Variants in ZMYND15 observed in about 807,000 individuals in gnomAD.
ZMYND15 encodes zinc finger MYND domain-containing protein 15.
Under a neutral mutation model 81.7 loss-of-function variants are expected in ZMYND15, and 54 were observed. The observed-to-expected ratio is 0.66, with a 90% CI of 0.53 to 0.83. The LOEUF (loss-of-function observed/expected upper bound fraction) is 0.83. Among genes scored for constraint, ZMYND15 ranks in the 40% least tolerant of loss-of-function variants. The pLI, the probability that ZMYND15 is intolerant of heterozygous loss-of-function variation, is 0.00. For synonymous variants in ZMYND15, 399 were observed against 387.0 expected (o/e 1.03, Z -0.36); for missense variants, 925 against 973.5 (o/e 0.95, Z 0.66).
intron 1 of ZMYND15, 101 bp from the exon 2 acceptor site, chr17:4,740,418 T>TA: frequency 7.1e-7 from 1 of 1,401,904 alleles, no homozygotes; most frequent in Non-Finnish European, 9.3e-7. Flanking sequence ...GATCCAACCC[T>TA]AAGTGACTCT....
chr17:4,745,376 G>A lies in ZMYND15; in HGVS notation c.2057+1G>A, dbSNP rs774024775. On this transcript the variant is annotated splice_donor_variant, in intron 13 of 13. Transcript: ENST00000433935. LOFTEE classifies it high-confidence loss of function. This position sits in a 1 kb window ranked among gnomAD's most constrained non-coding sequence, Gnocchi z 5.2. ...GAGCGGCCGACAACTGCATGTCCTG[G>A]TAAGGGTCTGCGACCCTATTTCCTT... 1 of 1,595,924 alleles carries A rather than the reference G, an allele frequency of 6.3e-7. No individual in the cohort carries two copies. The highest frequency in any genetic ancestry group is 8.5e-7 in the Non-Finnish European group (1 of 1,172,302).
Position 4,744,040 on chromosome 17 carries a change from C to G in ZMYND15, c.1428C>G (p.Pro476=). Residue 476 remains proline (P), a synonymous_variant, in exon 8 of 14, where the codon CCC becomes CCG. Coordinates refer to ENST00000433935, the MANE Select transcript of ZMYND15 (RefSeq NM_001136046.3). This position sits in a 1 kb window ranked among gnomAD's most constrained non-coding sequence, Gnocchi z 4.1. ...YTWRGLSLDS[P]IAVLLTYPLT... ...GGCGGGGCCTCAGCTTGGACTCCCC[C>G]ATAGCCGTGCTTCTCACCTACCCGC... 1 of 1,553,990 alleles carries G rather than the reference C, an allele frequency of 6.4e-7. No homozygotes were observed. Among genetic ancestry groups the G allele is most frequent in the Non-Finnish European group, 8.7e-7 (1 of 1,147,918 alleles).
rs753269855 is a variant in ZMYND15 at position 4,741,696 on chromosome 17, G to A, written c.707G>A (p.Gly236Glu). Residue 236 changes from glycine (G) to glutamate (E), a missense_variant, in exon 3 of 14, where the codon GGG (glycine) becomes GAG (glutamate). Transcript: ENST00000433935. ...GAQGTASWGS[G>E]TKDLAPWAYA... Reference sequence around the variant, plus strand: ...CAGGGAACCGCAAGCTGGGGCTCAGGGACCAAGGACCTGGCTCCTTGGGCC... The same window carrying A: ...CAGGGAACCGCAAGCTGGGGCTCAGAGACCAAGGACCTGGCTCCTTGGGCC... 34 of 1,613,940 alleles carry A rather than the reference G, an allele frequency of 2.1e-5. No homozygotes were observed. The highest frequency in any genetic ancestry group is 2.7e-5 in the Non-Finnish European group (32 of 1,179,984).
rs1916300944 is a variant in ZMYND15 at position 4,739,869 on chromosome 17, A to G, written c.-212A>G. ...ATGAGCCTCCCGGGCGGCCCGGTGGAGAGAGTCGCCGCCAGCCCCGGCCGC... is the reference window on the plus strand; with the variant it reads ...ATGAGCCTCCCGGGCGGCCCGGTGGGGAGAGTCGCCGCCAGCCCCGGCCGC... On this transcript the variant is annotated 5_prime_UTR_variant, in exon 1 of 14. Coordinates refer to ENST00000433935, the MANE Select transcript of ZMYND15 (RefSeq NM_001136046.3). This position sits in a 1 kb window ranked among gnomAD's most constrained non-coding sequence, Gnocchi z 5.3. 2.0e-6 allele frequency: 2 copies of G among 985,898 alleles called. No homozygotes were observed. Among genetic ancestry groups the G allele is most frequent in the South Asian group, 9.3e-5 (2 of 21,416 alleles). The allele number at this position is 985,898 out of a possible 1,614,324, so 61.1% of individuals were successfully genotyped here.
rs1567700601 is a variant in ZMYND15, at chr17:4,745,896, C to T, written c.2135C>T (p.Pro712Leu). 6.5e-7 allele frequency: 1 copy of T among 1,549,540 alleles called. No homozygotes were observed. The highest frequency in any genetic ancestry group is 2.0e-5 in the Admixed American group (1 of 49,256). Residue 712 changes from proline to leucine, a missense_variant, in exon 14 of 14, where the codon CCA (proline) becomes CTA (leucine). Transcript: ENST00000433935. The surrounding 1 kb of genome is among the most constrained non-coding windows in gnomAD (Gnocchi z 5.2). ...GGGGCCCGCCCGGCGCCCGGGCCCC[C>T]ACCCCCATCCCCAACTCCCTCTGCT... ...GSGARPAPGPPPPSPTPSAPP... is the reference protein window; with the variant it reads ...GSGARPAPGPLPPSPTPSAPP...
chr17:4,744,476 T>C lies in ZMYND15; in HGVS notation c.1683+9T>C, dbSNP rs1916575868. On this transcript the variant is annotated intron_variant, in intron 10 of 13. Coordinates refer to ENST00000433935, the MANE Select transcript of ZMYND15 (RefSeq NM_001136046.3). The surrounding 1 kb of genome is among the most constrained non-coding windows in gnomAD (Gnocchi z 4.1). ...ATTTTACCCTGCAGAGGGTGAGGGC[T>C]GAGGGGGCCCTGCTTTTCAGCCCTG... 1.2e-6 allele frequency: 2 copies of C among 1,613,584 alleles called. 1 individual carries two copies. Among genetic ancestry groups the C allele is most frequent in the Admixed American group, 3.3e-5 (2 of 59,986 alleles).
At position 4,743,886 on chromosome 17, in the gene ZMYND15, C is replaced by T. The variant is rs370989099; in HGVS notation, c.1378+39C>T. On this transcript the variant is annotated intron_variant, in intron 7 of 13. Transcript: ENST00000433935. The surrounding 1 kb of genome is among the most constrained non-coding windows in gnomAD (Gnocchi z 4.3). ...GCCCTGTGGAAGCTAGGGGTAGGGC[C>T]AGGGACTGGAGAACCAGAGCCTGGG... 5.0e-6 allele frequency: 8 copies of T among 1,608,862 alleles called. No homozygotes were observed. Among genetic ancestry groups the T allele is most frequent in the Non-Finnish European group, 6.8e-6 (8 of 1,177,070 alleles).
At position 4,745,125 on chromosome 17, in the gene ZMYND15, G is replaced by A; in HGVS notation, c.1897-90G>A. 2 of 1,604,022 alleles carry A rather than the reference G, an allele frequency of 1.2e-6. No homozygotes were observed. Among genetic ancestry groups the A allele is most frequent in the Middle Eastern group, 1.9e-4 (1 of 5,326 alleles). ...TGCTCCCCTCCGCCCGGTCTGTCCG[G>A]GGACCTCGGCTTTCAGCCCGGTCTG... On this transcript the variant is annotated intron_variant, in intron 12 of 13. Transcript: ENST00000433935. This position sits in a 1 kb window ranked among gnomAD's most constrained non-coding sequence, Gnocchi z 5.2.
chr17:4,741,528 C>A, intron 2 of ZMYND15, 54 bp from the exon 3 acceptor site: 1 of 1,597,976 alleles, frequency 6.3e-7, no homozygotes, highest in East Asian at 2.2e-5. Context: ...CTGACCCTGA[C>A]CACATTTGTC....
At chr17:4,742,514 G>A (rs982853497) in intron 5 of ZMYND15, 23 bp downstream of exon 5, 7 of 1,609,596 alleles carry the variant, frequency 4.3e-6, no homozygotes, top group Non-Finnish European at 5.9e-6. Context: ...GGTCAGAATG[G>A]TTGGGGGAAA....
chr17:4,741,847 G>A (rs771800282), intron 3 of ZMYND15, 31 bp downstream of exon 3: 6 of 1,582,412 alleles, frequency 3.8e-6, no homozygotes, highest in African/African-American at 2.7e-5. Context: ...AGGCTGGGGA[G>A]GACTCGGGCC....
intron 2 of ZMYND15, 87 bp from the exon 3 acceptor site, chr17:4,741,495 G>T: frequency 7.0e-7 from 1 of 1,433,298 alleles, no homozygotes; most frequent in South Asian, 1.2e-5. Flanking sequence ...GCCTAGCCCC[G>T]TAGGTATTTG....
chr17:4,742,088 TG>T lies in ZMYND15; in HGVS notation c.983+23del, dbSNP rs1320297432. ...ACACCTTGGTGAGCAGCCCCAAAGCTGGGGGAGAGGAAGACCCCAATAGGCA... is the reference window on the plus strand; with the variant it reads ...ACACCTTGGTGAGCAGCCCCAAAGCTGGGGAGAGGAAGACCCCAATAGGCA... On this transcript the variant is annotated intron_variant, in intron 4 of 13. Coordinates refer to ENST00000433935, the MANE Select transcript of ZMYND15 (RefSeq NM_001136046.3). 1.9e-6 allele frequency: 3 copies of T among 1,613,228 alleles called. No individual in the cohort carries two copies. The highest frequency in any genetic ancestry group is 2.5e-6 in the Non-Finnish European group (3 of 1,179,552).
At chr17:4,741,336 G>A (rs1283653365) in intron 2 of ZMYND15, among the ~76,000 whole-genome samples, 196 bp downstream of exon 2, 1 of 151,990 alleles carries the variant, frequency 6.6e-6, no homozygotes. Flanking sequence ...CCAGAAGTCT[G>A]GATTTACACA....
intron 5 of ZMYND15, among the ~76,000 whole-genome samples, chr17:4,742,942 C>A (rs145615715): frequency 1.3e-5 from 2 of 152,012 alleles, no homozygotes. Flanking sequence ...AGGGTCCTCG[C>A]GGGAGGCTAG....
rs1916567759 is a variant in ZMYND15, at chr17:4,744,299, A to T, written c.1584+21A>T. On this transcript the variant is annotated intron_variant, in intron 9 of 13. Transcript: ENST00000433935. The surrounding 1 kb of genome is among the most constrained non-coding windows in gnomAD (Gnocchi z 4.1). Reference sequence around the variant, plus strand: ...TTTGGGTAAGTCACCCCAGGCCTGAAGGTTGGGCATTTTGGTATGGGGGTG... The same window carrying T: ...TTTGGGTAAGTCACCCCAGGCCTGATGGTTGGGCATTTTGGTATGGGGGTG... 1 of 1,613,962 alleles carries T rather than the reference A, an allele frequency of 6.2e-7. No individual in the cohort carries two copies. The highest frequency in any genetic ancestry group is 2.2e-5 in the East Asian group (1 of 44,870).
rs1916648060 is a variant in ZMYND15, at chr17:4,745,890, G to A, written c.2129G>A (p.Gly710Glu). Residue 710 changes from glycine (G) to glutamate (E), a missense_variant, in exon 14 of 14, where the codon GGG becomes GAG. Coordinates refer to ENST00000433935, the MANE Select transcript of ZMYND15 (RefSeq NM_001136046.3). The surrounding 1 kb of genome is among the most constrained non-coding windows in gnomAD (Gnocchi z 5.2). ...GGGAGCGGGGCCCGCCCGGCGCCCG[G>A]GCCCCCACCCCCATCCCCAACTCCC... ...AQGSGARPAP[G>E]PPPPSPTPSA... 2 of 1,559,904 alleles carry A rather than the reference G, an allele frequency of 1.3e-6. No homozygotes were observed. The highest frequency in any genetic ancestry group is 8.7e-7 in the Non-Finnish European group (1 of 1,155,248).
Position 4,740,532 on chromosome 17 carries a change from C to T in ZMYND15, c.-17C>T, listed in dbSNP as rs1916347062. ...TCTTTTGCTCAGTCTGGGCCGGGGC[C>T]CTGTGCCGCTGAAGACATGGAGTTT... On this transcript the variant is annotated 5_prime_UTR_variant, in exon 2 of 14. Transcript: ENST00000433935. 9.5e-6 allele frequency: 15 copies of T among 1,573,412 alleles called. No homozygotes were observed. Among genetic ancestry groups the T allele is most frequent in the Non-Finnish European group, 1.0e-5 (12 of 1,155,696 alleles).
In ZMYND15 at chr17:4,743,715, G is replaced by C; in HGVS notation, c.1298-52G>C. Reference sequence around the variant, plus strand: ...CCCTTTGGAAGGAAGAAAGAGATGGGTCAGGTGGGGGTCTCCCTGACCCCA... The same window carrying C: ...CCCTTTGGAAGGAAGAAAGAGATGGCTCAGGTGGGGGTCTCCCTGACCCCA... On this transcript the variant is annotated intron_variant, in intron 6 of 13. Coordinates refer to ENST00000433935, the MANE Select transcript of ZMYND15 (RefSeq NM_001136046.3). This position sits in a 1 kb window ranked among gnomAD's most constrained non-coding sequence, Gnocchi z 4.3. The C allele has an allele frequency of 6.5e-7, 1 of 1,549,532 alleles. No individual in the cohort carries two copies. Among genetic ancestry groups the C allele is most frequent in the Non-Finnish European group, 8.8e-7 (1 of 1,138,408 alleles).
Sources: allele counts gnomAD v4.1 joint callset (sites outside exome capture counted in the v4.1 genomes callset), GRCh38; gene constraint gnomAD v4.1.1; non-coding constraint Gnocchi (gnomAD v3.1); transcripts MANE v1.5; gene names NCBI Gene and HGNC (gene_info 2026-07-23, HGNC 2026-07-21).